Variants in LINS1 observed in about 807,000 individuals in gnomAD.
LINS1 encodes protein Lines homolog 1.
In LINS1, 27 loss-of-function variants were observed where a neutral mutation model predicts 41.6. That is an observed-to-expected ratio of 0.65 (90% CI 0.48 to 0.89). The LOEUF is 0.89. Ranked by LOEUF, LINS1 falls within the 40% of genes least tolerant of loss-of-function variation. LINS1 has a pLI of 0.00. For synonymous variants in LINS1, 336 were observed against 312.9 expected, an observed-to-expected ratio of 1.07 and a Z score of -0.78; for missense variants, 955 against 884.1, an observed-to-expected ratio of 1.08 and a Z score of -1.02.
chr15:100,576,223 A>C (rs1221004149), intron 3 of LINS1, among the ~76,000 whole-genome samples: 1 of 152,198 alleles, frequency 6.6e-6, no homozygotes, highest in Non-Finnish European at 1.5e-5. Flanking sequence ...TCAAAAAATC[A>C]ATGAATCCAG....
rs770395566 is a variant in LINS1, at chr15:100,569,215, C to G, written c.*23G>C. 2.0e-6 allele frequency: 3 copies of G among 1,498,430 alleles called. No homozygotes were observed. The highest frequency in any genetic ancestry group is 1.4e-5 in the African/African-American group (1 of 72,294). The allele number at this position is 1,498,430 out of a possible 1,614,324, so 92.8% of individuals were successfully genotyped here. A position where few individuals can be genotyped will look rare whatever the true frequency, so the allele number is the denominator to read the frequency against. ...AATTTATATTAAGGAAAAACAATAC[C>G]TGGAAAATAAAATGTCAATGTTTTA... On this transcript the variant is annotated 3_prime_UTR_variant, in exon 7 of 7. Coordinates refer to ENST00000314742, the MANE Select transcript of LINS1 (RefSeq NM_001040616.3).
At chr15:100,571,779 C>A in intron 6 of LINS1, 115 bp downstream of exon 6, 1 of 1,233,408 alleles carries the variant, frequency 8.1e-7, no homozygotes, top group Non-Finnish European at 1.2e-6. Context: ...GGAACTGCAA[C>A]AGGATGTTTT....
At chr15:100,575,542 C>T (rs961829386) in intron 3 of LINS1, among the ~76,000 whole-genome samples, 3 of 152,162 alleles carry the variant, frequency 2.0e-5, no homozygotes, top group African/African-American at 7.2e-5. Context: ...TAGAGACCTA[C>T]AAAGAGACTT....
chr15:100,586,588 CAT>C (rs1229949450), intron 1 of LINS1, among the ~76,000 whole-genome samples: 1 of 152,072 alleles, frequency 6.6e-6, no homozygotes, highest in Non-Finnish European at 1.5e-5. Context: ...CTAGTTAACA[CAT>C]AATTCTGTAA....
chr15:100,598,746 A>C (rs1371179786), intron 1 of LINS1, among the ~76,000 whole-genome samples: 3 of 152,188 alleles, frequency 2.0e-5, no homozygotes, highest in African/African-American at 7.2e-5. Flanking sequence ...TGGGCTAACA[A>C]GGCAAATGAT....
Position 100,580,606 on chromosome 15 carries a change from G to A in LINS1, c.237C>T (p.Asn79=). 2 of 1,614,028 alleles carry A rather than the reference G, an allele frequency of 1.2e-6. No individual in the cohort carries two copies. Among genetic ancestry groups the A allele is most frequent in the South Asian group, 1.1e-5 (1 of 91,080 alleles). Residue 79 remains asparagine, a synonymous_variant, in exon 2 of 7, where the codon AAC becomes AAT. Transcript: ENST00000314742. ...IAVAPVCLKT[N]SQMSGSREVM... is the part of the protein sequence containing the mutation. ...CTTCTCTGGAACCGCTCATCTGAGA[G>A]TTGGTCTTCAAACACACAGGTGCTA... is the stretch of plus-strand genomic sequence containing the variant.
chr15:100,577,933 C>T (rs1230024113), intron 3 of LINS1, among the ~76,000 whole-genome samples: 3 of 152,186 alleles, frequency 2.0e-5, no homozygotes, highest in Non-Finnish European at 2.9e-5. Context: ...AAAGGATTCC[C>T]TATTTAACAA....
chr15:100,593,847 C>T (rs4578625), intron 1 of LINS1, among the ~76,000 whole-genome samples: 22,830 of 152,132 alleles, frequency 0.15, 1,950 homozygotes, highest in Admixed American at 0.27. Flanking sequence ...ACATGCTACG[C>T]GAGATCTAAA....
rs1018450105 is a variant in LINS1, at chr15:100,576,027, A to G, written c.490-899T>C. On this transcript the variant is annotated intron_variant, in intron 3 of 6. Transcript: ENST00000314742. Reference sequence around the variant, plus strand: ...ATCTCTGGGACACATTTAAAGCAGTACGTAGAGGGAAATTTACAGCACTAA... The same window carrying G: ...ATCTCTGGGACACATTTAAAGCAGTGCGTAGAGGGAAATTTACAGCACTAA... Among the ~76,000 whole-genome samples the G allele has an allele frequency of 8.3e-4, 126 of 152,324 alleles. 1 individual carries two copies. Among genetic ancestry groups the G allele is most frequent in the Non-Finnish European group, 1.4e-3 (97 of 68,028 alleles).
At chr15:100,581,067 TAAA>T (rs1312699376) in intron 1 of LINS1, 122 bp from the exon 2 acceptor site, 8 of 470,136 alleles carry the variant, frequency 1.7e-5, no homozygotes, top group Middle Eastern at 5.5e-4. Flanking sequence ...GCTTAATTTC[TAAA>T]ATGGAAAATT....
intron 1 of LINS1, among the ~76,000 whole-genome samples, chr15:100,593,210 C>A (rs1015193425): frequency 1.3e-5 from 2 of 152,096 alleles, no homozygotes; most frequent in Admixed American, 1.3e-4. Context: ...TGAACGATTT[C>A]TCTAGCCTGG....
Position 100,569,830 on chromosome 15 carries a change from G to C in LINS1, c.1682C>G (p.Pro561Arg). 6.2e-7 allele frequency: 1 copy of C among 1,614,092 alleles called. No individual in the cohort carries two copies. The highest frequency in any genetic ancestry group is 8.5e-7 in the Non-Finnish European group (1 of 1,180,024). The change falls in exon 7 of 7, where the codon CCC becomes CGC. Residue 561 changes from proline to arginine, a missense_variant. Pro to Arg is a moderately radical substitution (Grantham distance 103). Coordinates refer to ENST00000314742, the MANE Select transcript of LINS1 (RefSeq NM_001040616.3). ...KYDISICGCV[P>R]SLVQDQSSNQ... ...GGAGCTTTGGTCTTGGACAAGTGAG[G>C]GGACACAGCCACAAATACTTATGTC...
intron 3 of LINS1, among the ~76,000 whole-genome samples, chr15:100,579,783 G>A (rs115367212): frequency 0.045 from 6,878 of 152,222 alleles, 182 homozygotes; most frequent in Middle Eastern, 0.082. Context: ...AAATAGGCTT[G>A]TTCTCAACTG....
In LINS1 at chr15:100,566,949, T is replaced by C. The variant is rs1287297820; in HGVS notation, c.*2289A>G. 6.6e-6 allele frequency: 1 copy of C among 152,244 alleles called. No homozygotes were observed. The highest frequency in any genetic ancestry group is 1.5e-5 in the Non-Finnish European group (1 of 68,040). 9.4% of individuals were successfully genotyped at this position (152,244 alleles called of 1,614,324 possible). A position where few individuals can be genotyped will look rare whatever the true frequency, so the allele number is the denominator to read the frequency against. ...TGAGTTATAATGCATTCAACATTTA[T>C]GTACCCTTAGGAACAAGAGTCGATT... On this transcript the variant is annotated 3_prime_UTR_variant, in exon 7 of 7. Transcript: ENST00000314742.
intron 1 of LINS1, among the ~76,000 whole-genome samples, chr15:100,581,539 T>C (rs2038544891): frequency 6.6e-6 from 1 of 152,204 alleles, no homozygotes; most frequent in Non-Finnish European, 1.5e-5. Context: ...CCAATGAAAT[T>C]CCAACTTAAA....
intron 6 of LINS1, among the ~76,000 whole-genome samples, chr15:100,571,622 G>A (rs1035410266): frequency 6.6e-6 from 1 of 152,208 alleles, no homozygotes; most frequent in Non-Finnish European, 1.5e-5. Flanking sequence ...AAGATTCAGA[G>A]AAGTGTACTG....
Position 100,580,246 on chromosome 15 carries a change from T to C in LINS1, c.489+17A>G, listed in dbSNP as rs774236649. The C allele has an allele frequency of 6.5e-7, 1 of 1,528,750 alleles. No individual in the cohort carries two copies. The allele number at this position is 1,528,750 out of a possible 1,614,324, so 94.7% of individuals were successfully genotyped here. A position where few individuals can be genotyped will look rare whatever the true frequency, so the allele number is the denominator to read the frequency against. ...TAAGAAAGAGAAATAATAACATACT[T>C]TGATTACTTATCTTACCTTTTCTCT... On this transcript the variant is annotated intron_variant, in intron 3 of 6. Coordinates refer to ENST00000314742, the MANE Select transcript of LINS1 (RefSeq NM_001040616.3).
intron 1 of LINS1, among the ~76,000 whole-genome samples, chr15:100,591,495 G>T (rs1272070003): frequency 1.3e-5 from 2 of 152,174 alleles, no homozygotes; most frequent in African/African-American, 4.8e-5. Context: ...CATTGTTTTG[G>T]ACTGAACTCA....
rs1044359774 is a variant in LINS1 at position 100,566,950 on chromosome 15, G to A, written c.*2288C>T. The A allele has an allele frequency of 2.0e-5, 3 of 152,162 alleles. No homozygotes were observed. Among genetic ancestry groups the A allele is most frequent in the African/African-American group, 4.8e-5 (2 of 41,422 alleles). 9.4% of individuals were successfully genotyped at this position (152,162 alleles called of 1,614,324 possible). On this transcript the variant is annotated 3_prime_UTR_variant, in exon 7 of 7. Transcript: ENST00000314742. ...GAGTTATAATGCATTCAACATTTAT[G>A]TACCCTTAGGAACAAGAGTCGATTT...
Sources: gnomAD v4.1 joint callset for allele counts (sites outside exome capture counted in the v4.1 genomes callset) on GRCh38, gnomAD v4.1.1 for gene constraint, MANE v1.5 for transcripts, NCBI Gene and HGNC (gene_info 2026-07-23, HGNC 2026-07-21) for gene names.